CNTNAP2: variants seen among roughly 807,000 people sequenced by gnomAD.
CNTNAP2 encodes contactin associated protein 2.
Under a neutral mutation model 155.2 loss-of-function variants are expected in CNTNAP2, and 98 were observed. That is an observed-to-expected ratio of 0.63 (90% CI 0.54 to 0.75). CNTNAP2 has a LOEUF of 0.75. Ranked by LOEUF, CNTNAP2 falls within the 30% of genes least tolerant of loss-of-function variation. The pLI is 0.00. For missense variants in CNTNAP2, 1,727 were observed against 1,688.1 expected (o/e 1.02, Z -0.40); for synonymous variants, 651 against 631.2 (o/e 1.03, Z -0.47).
intron 1 of CNTNAP2, among the ~76,000 whole-genome samples, chr7:146,671,165 G>T (rs982538863): frequency 1.3e-5 from 2 of 152,042 alleles, no homozygotes; most frequent in Non-Finnish European, 2.9e-5. Context: ...CAAAACAAAA[G>T]TAACTGATTA....
At chr7:147,165,053 A>G (rs960269751) in intron 8 of CNTNAP2, among the ~76,000 whole-genome samples, 3 of 152,234 alleles carry the variant, frequency 2.0e-5, no homozygotes, top group Admixed American at 1.3e-4. Context: ...CAATCTACAT[A>G]TTATTTGAAA....
chr7:147,608,911 G>T (rs1200508365), intron 12 of CNTNAP2, among the ~76,000 whole-genome samples: 1 of 152,108 alleles, frequency 6.6e-6, no homozygotes, highest in Non-Finnish European at 1.5e-5. Context: ...AGGGGCGGGG[G>T]TCAAAAGGTG....
chr7:147,780,362 C>T (rs899208811), intron 13 of CNTNAP2, among the ~76,000 whole-genome samples: 1 of 152,068 alleles, frequency 6.6e-6, no homozygotes, highest in Non-Finnish European at 1.5e-5. Context: ...AAAAGCAATA[C>T]TTTTACATTA....
intron 4 of CNTNAP2, among the ~76,000 whole-genome samples, chr7:147,083,524 ATATATATATATACATATATATATATG>A (rs1563070236): frequency 1.2e-5 from 1 of 81,486 alleles, no homozygotes; most frequent in Non-Finnish European, 2.6e-5. Flanking sequence ...ACATCATTTT[ATATATATATATACATATATATATATG>A]TATATATATA....
chr7:146,684,586 C>T (rs1800561422), intron 1 of CNTNAP2, among the ~76,000 whole-genome samples: 1 of 110,278 alleles, frequency 9.1e-6, no homozygotes, highest in Non-Finnish European at 1.7e-5. Flanking sequence ...ACAAGATCAC[C>T]ATGACAGAAT....
chr7:146,331,333 A>G lies in CNTNAP2; in HGVS notation c.97+214360A>G, dbSNP rs141615559. 5.9e-4 allele frequency among the ~76,000 whole-genome samples: 90 copies of G among 151,728 alleles called. 1 individual carries two copies. Among genetic ancestry groups the G allele is most frequent in the African/African-American group, 2.1e-3 (87 of 41,376 alleles). On this transcript the variant is annotated intron_variant, in intron 1 of 23. Coordinates refer to ENST00000361727, the MANE Select transcript of CNTNAP2 (RefSeq NM_014141.6). ...AAAAAAAAAATAAAAATAACCAACT[A>G]TCATATAAATTATTCGGCCCTTTAT...
chr7:146,896,972 G>A (rs1193981005), intron 3 of CNTNAP2, among the ~76,000 whole-genome samples: 2 of 151,984 alleles, frequency 1.3e-5, no homozygotes, highest in Non-Finnish European at 2.9e-5. Flanking sequence ...TAATGTAAGG[G>A]CAATATTTTG....
chr7:146,804,784 G>A (rs973023000), intron 2 of CNTNAP2, among the ~76,000 whole-genome samples: 2 of 152,166 alleles, frequency 1.3e-5, no homozygotes. Flanking sequence ...GTCTAAAGCA[G>A]CTGTGTAGCG....
At chr7:146,534,849 T>A (rs1339820620) in intron 1 of CNTNAP2, among the ~76,000 whole-genome samples, 1 of 150,874 alleles carries the variant, frequency 6.6e-6, no homozygotes, top group Non-Finnish European at 1.5e-5. Context: ...CATTATGATT[T>A]TAGGCAATTA....
At chr7:147,481,347 T>A (rs1308705496) in intron 10 of CNTNAP2, among the ~76,000 whole-genome samples, 1 of 152,206 alleles carries the variant, frequency 6.6e-6, no homozygotes, top group Non-Finnish European at 1.5e-5. Context: ...ACAAATCTGG[T>A]ACCATTTGCA....
intron 1 of CNTNAP2, among the ~76,000 whole-genome samples, chr7:146,550,363 A>G (rs1798096471): frequency 1.4e-5 from 2 of 145,636 alleles, no homozygotes; most frequent in South Asian, 4.3e-4. Flanking sequence ...ATTCAGAGTT[A>G]CAGAGTCTAA....
chr7:146,457,629 G>A (rs960919999), intron 1 of CNTNAP2, among the ~76,000 whole-genome samples: 7 of 149,188 alleles, frequency 4.7e-5, no homozygotes, highest in African/African-American at 1.7e-4. Context: ...TCAGCCTCCT[G>A]AGGAGCTGGG....
chr7:146,478,245 G>C (rs1168770383), intron 1 of CNTNAP2, among the ~76,000 whole-genome samples: 2 of 151,940 alleles, frequency 1.3e-5, no homozygotes, highest in African/African-American at 4.8e-5. Context: ...AGACAAAAAT[G>C]AATGCAGAAA....
At chr7:146,403,698 C>G (rs1377395539) in intron 1 of CNTNAP2, among the ~76,000 whole-genome samples, 1 of 152,094 alleles carries the variant, frequency 6.6e-6, no homozygotes, top group African/African-American at 2.4e-5. Flanking sequence ...TTAAATCTAG[C>G]TTAAGCTCTA....
intron 13 of CNTNAP2, among the ~76,000 whole-genome samples, chr7:147,783,810 T>C (rs1001948188): frequency 6.6e-6 from 1 of 152,202 alleles, no homozygotes; most frequent in Admixed American, 6.5e-5. Flanking sequence ...AAGGCTGCTG[T>C]CTGTGCAACA....
chr7:147,647,058 G>A (rs1795376772), intron 13 of CNTNAP2, among the ~76,000 whole-genome samples: 1 of 150,612 alleles, frequency 6.6e-6, no homozygotes, highest in Admixed American at 6.7e-5. Flanking sequence ...TAGGCTCACT[G>A]CAACCTCAGC....
chr7:147,049,766 T>TAG (rs148690678), intron 4 of CNTNAP2, among the ~76,000 whole-genome samples: 1 of 151,670 alleles, frequency 6.6e-6, no homozygotes, highest in South Asian at 2.1e-4. Flanking sequence ...GCCAGAAAAC[T>TAG]AGAGAGAGAG....
chr7:147,427,703 A>G (rs1797402435), intron 10 of CNTNAP2, among the ~76,000 whole-genome samples: 1 of 152,188 alleles, frequency 6.6e-6, no homozygotes, highest in Non-Finnish European at 1.5e-5. Flanking sequence ...CTAACTAAAA[A>G]TAGATATTTT....
intron 9 of CNTNAP2, among the ~76,000 whole-genome samples, chr7:147,326,226 C>T (rs1795456529): frequency 6.6e-6 from 1 of 152,142 alleles, no homozygotes; most frequent in South Asian, 2.1e-4. Flanking sequence ...GCCTGGACAC[C>T]AGCATTCTAC....
Sources: gnomAD v4.1 joint callset for allele counts (sites outside exome capture counted in the v4.1 genomes callset) on GRCh38, gnomAD v4.1.1 for gene constraint, MANE v1.5 for transcripts, NCBI Gene and HGNC (gene_info 2026-07-23, HGNC 2026-07-21) for gene names.